ARHGAP19: variants seen among roughly 807,000 people sequenced by gnomAD.
ARHGAP19 encodes Rho GTPase activating protein 19.
A neutral mutation model predicts 60.9 loss-of-function variants in ARHGAP19; 48 were observed. That is an observed-to-expected ratio of 0.79 (90% CI 0.62 to 1.00). The LOEUF is 1.00. Among genes scored for constraint, ARHGAP19 ranks in the 50% least tolerant of loss-of-function variants. ARHGAP19 has a pLI of 0.00. For synonymous variants in ARHGAP19, 209 were observed against 215.5 expected (o/e 0.97, Z 0.27); for missense variants, 562 against 597.2 (o/e 0.94, Z 0.61).
intron 9 of ARHGAP19, among the ~76,000 whole-genome samples, chr10:97,230,895 GTCTCTACTA>G (rs1426163469): frequency 1.3e-5 from 2 of 151,834 alleles, no homozygotes; most frequent in Non-Finnish European, 2.9e-5. Flanking sequence ...GTGAAATACT[GTCTCTACTA>G]AAATTAACTG....
At chr10:97,231,154 A>G (rs1334644519) in intron 9 of ARHGAP19, among the ~76,000 whole-genome samples, 1 of 151,246 alleles carries the variant, frequency 6.6e-6, no homozygotes, top group Non-Finnish European at 1.5e-5. Flanking sequence ...TCTCTATGAC[A>G]GGGAAGTCAG....
At chr10:97,231,209 A>C (rs1288099513) in intron 9 of ARHGAP19, among the ~76,000 whole-genome samples, 4 of 152,174 alleles carry the variant, frequency 2.6e-5, no homozygotes, top group African/African-American at 9.7e-5. Flanking sequence ...AAACAAGAGT[A>C]AACTAACGAT....
intron 11 of ARHGAP19, among the ~76,000 whole-genome samples, chr10:97,226,943 C>T (rs1850907881): frequency 6.6e-6 from 1 of 152,150 alleles, no homozygotes; most frequent in Non-Finnish European, 1.5e-5. Flanking sequence ...GACTTTGCCT[C>T]CTCACCCACC....
Position 97,292,637 on chromosome 10 carries a change from C to T in ARHGAP19, c.-10G>A. 6.2e-7 allele frequency: 1 copy of T among 1,614,222 alleles called. No individual in the cohort carries two copies. Among genetic ancestry groups the T allele is most frequent in the South Asian group, 1.1e-5 (1 of 91,086 alleles). On this transcript the variant is annotated 5_prime_UTR_variant, in exon 1 of 12. Coordinates refer to ENST00000358531, the MANE Select transcript of ARHGAP19 (RefSeq NM_032900.6). ...GTGCCTCAGTCGCCATCTTCGTCAG[C>T]AAACTTCTTTCACCGCCCCACCTTA... is the stretch of plus-strand genomic sequence containing the variant.
chr10:97,288,578 TAA>T (rs923536030), intron 1 of ARHGAP19, among the ~76,000 whole-genome samples: 7 of 114,332 alleles, frequency 6.1e-5, no homozygotes, highest in African/African-American at 3.2e-5. Flanking sequence ...AGACTCCATC[TAA>T]AAAAAAAAAA....
chr10:97,253,472 T>C (rs1490222934), intron 6 of ARHGAP19, among the ~76,000 whole-genome samples: 2 of 151,972 alleles, frequency 1.3e-5, no homozygotes, highest in Non-Finnish European at 2.9e-5. Context: ...AGTAGAATAG[T>C]TACCAGATGC....
chr10:97,257,039 T>G (rs1293606522), intron 5 of ARHGAP19, among the ~76,000 whole-genome samples: 1 of 152,092 alleles, frequency 6.6e-6, no homozygotes, highest in Non-Finnish European at 1.5e-5. Flanking sequence ...GAGAATGGCA[T>G]GAACCCGGGA....
intron 1 of ARHGAP19, among the ~76,000 whole-genome samples, chr10:97,287,378 A>G (rs1843168893): frequency 6.6e-6 from 1 of 152,218 alleles, no homozygotes; most frequent in Admixed American, 6.5e-5. Context: ...AATGGAAGGG[A>G]GGGGGTGTTC....
intron 11 of ARHGAP19, among the ~76,000 whole-genome samples, chr10:97,227,995 A>G (rs1256599701): frequency 1.3e-5 from 2 of 152,262 alleles, no homozygotes; most frequent in Non-Finnish European, 2.9e-5. Flanking sequence ...GTAGCCTTCA[A>G]AAATAACTTA....
chr10:97,264,915 C>T lies in ARHGAP19; in HGVS notation c.323-9G>A. 1 of 1,606,162 alleles carries T rather than the reference C, an allele frequency of 6.2e-7. No homozygotes were observed. On this transcript the variant is annotated splice_polypyrimidine_tract_variant and intron_variant, in intron 2 of 11. Transcript: ENST00000358531. ...AAATATCACTCCTTTTTCTGAAAAA[C>T]CATATGATATGACAGGGCTATATTT...
intron 11 of ARHGAP19, among the ~76,000 whole-genome samples, chr10:97,226,935 C>A (rs1850907819): frequency 1.3e-5 from 2 of 152,198 alleles, no homozygotes; most frequent in Admixed American, 1.3e-4. Flanking sequence ...GTGGAGATGA[C>A]TTTGCCTCCT....
At chr10:97,260,967 T>C (rs1267353554) in intron 4 of ARHGAP19, among the ~76,000 whole-genome samples, 1 of 148,104 alleles carries the variant, frequency 6.8e-6, no homozygotes, top group Non-Finnish European at 1.5e-5. Context: ...GATCCACACA[T>C]GCCTTTGATA....
chr10:97,264,102 T>C (rs920589237), intron 3 of ARHGAP19, among the ~76,000 whole-genome samples: 5 of 152,154 alleles, frequency 3.3e-5, no homozygotes, highest in Non-Finnish European at 7.3e-5. Flanking sequence ...ATTAGAACTC[T>C]AATGTGTCAA....
At chr10:97,279,582 G>A (rs1843058424) in intron 1 of ARHGAP19, among the ~76,000 whole-genome samples, 2 of 151,994 alleles carry the variant, frequency 1.3e-5, no homozygotes, top group African/African-American at 4.8e-5. Flanking sequence ...AGCCTCAACT[G>A]CCTGAGCTCA....
chr10:97,239,598 GTGTGTC>G, intron 8 of ARHGAP19, among the ~76,000 whole-genome samples: 1 of 110,008 alleles, frequency 9.1e-6, no homozygotes, highest in African/African-American at 2.9e-5. Context: ...GTGTGTGTGT[GTGTGTC>G]TAAATGTAGT....
intron 1 of ARHGAP19, chr10:97,278,131 A>C (rs1426717303): frequency 6.5e-6 from 1 of 153,314 alleles, no homozygotes; most frequent in East Asian, 1.9e-4. Flanking sequence ...AGGACTGGAG[A>C]TTCATTCACC....
chr10:97,264,955 A>G (rs766729962), intron 2 of ARHGAP19, 49 bp from the exon 3 acceptor site: 4 of 1,391,418 alleles, frequency 2.9e-6, no homozygotes, highest in Non-Finnish European at 4.1e-6. Context: ...CAAATAGTAC[A>G]AAATCATCAT....
chr10:97,285,246 C>A (rs1009800868), intron 1 of ARHGAP19, among the ~76,000 whole-genome samples: 6 of 151,914 alleles, frequency 3.9e-5, no homozygotes, highest in Non-Finnish European at 1.5e-5. Flanking sequence ...CAGAACAATG[C>A]GAATGTAGTT....
Position 97,265,025 on chromosome 10 carries a change from A to G in ARHGAP19, c.323-119T>C, listed in dbSNP as rs887848440. ...CAGCAAGCATTTTCACATGGTCAGT[A>G]AACAAAAACCTTAGAACTGGAAGTG... On this transcript the variant is annotated intron_variant, in intron 2 of 11. Transcript: ENST00000358531. The G allele has an allele frequency of 1.5e-5, 11 of 746,454 alleles. No homozygotes were observed. The East Asian group carries it at 2.7e-4, about 18-fold the overall frequency. The allele number at this position is 746,454 out of a possible 1,614,324, so 46.2% of individuals were successfully genotyped here. A position where few individuals can be genotyped will look rare whatever the true frequency, so the allele number is the denominator to read the frequency against.
Sources: allele counts gnomAD v4.1 joint callset (sites outside exome capture counted in the v4.1 genomes callset), GRCh38; gene constraint gnomAD v4.1.1; transcripts MANE v1.5; gene names NCBI Gene and HGNC (gene_info 2026-07-23, HGNC 2026-07-21).